COL5A3: variants seen among roughly 807,000 people sequenced by gnomAD.
COL5A3 encodes collagen type V alpha 3 chain, also known as collagen alpha-3(V) chain.
Under a neutral mutation model 250.0 loss-of-function variants are expected in COL5A3, and 172 were observed. The observed-to-expected ratio is 0.69, with a 90% CI of 0.61 to 0.78. The LOEUF (loss-of-function observed/expected upper bound fraction) is 0.78. Ranked by LOEUF, COL5A3 falls within the 30% of genes least tolerant of loss-of-function variation. COL5A3 has a pLI of 0.00. For synonymous variants in COL5A3, 937 were observed against 900.4 expected (o/e 1.04, Z -0.73); for missense variants, 2,340 against 2,334.4 (o/e 1.00, Z -0.05).
chr19:9,993,347 C>G, intron 19 of COL5A3, 33 bp downstream of exon 19: 1 of 1,612,030 alleles, frequency 6.2e-7, no homozygotes, highest in Non-Finnish European at 8.5e-7. Context: ...AACTTACTTT[C>G]CAAACCAGGC....
intron 27 of COL5A3, among the ~76,000 whole-genome samples, chr19:9,988,857 A>AAGAGAG (rs1191337723): frequency 7.3e-6 from 1 of 136,980 alleles, no homozygotes; most frequent in Non-Finnish European, 1.6e-5. Flanking sequence ...AAAAAAAAAA[A>AAGAGAG]AGAAAGTAAA....
At position 9,968,381 on chromosome 19, in the gene COL5A3, T is replaced by C; in HGVS notation, c.4314+4A>G. 1 of 1,577,940 alleles carries C rather than the reference T, an allele frequency of 6.3e-7. No individual in the cohort carries two copies. Among genetic ancestry groups the C allele is most frequent in the Non-Finnish European group, 8.6e-7 (1 of 1,157,504 alleles). ...ATTCTTCCCGCTCAGGTCAGGACACTCACAGGGTCTCCCTTGGGACCAGGG... is the reference window on the plus strand; with the variant it reads ...ATTCTTCCCGCTCAGGTCAGGACACCCACAGGGTCTCCCTTGGGACCAGGG... On this transcript the variant is annotated splice_donor_region_variant and intron_variant, in intron 59 of 66. Coordinates refer to ENST00000264828, the MANE Select transcript of COL5A3 (RefSeq NM_015719.4). The surrounding 1 kb of genome is among the most constrained non-coding windows in gnomAD (Gnocchi z 4.1).
intron 8 of COL5A3, among the ~76,000 whole-genome samples, chr19:10,000,019 A>C (rs1236007119): frequency 6.6e-6 from 1 of 151,824 alleles, no homozygotes; most frequent in Non-Finnish European, 1.5e-5. Flanking sequence ...CAACCTACCA[A>C]ATTGCTGAGA....
chr19:9,978,769 T>TCCA (rs1201250846), intron 40 of COL5A3, 122 bp downstream of exon 40: 5 of 924,722 alleles, frequency 5.4e-6, no homozygotes, highest in Non-Finnish European at 7.7e-6. Flanking sequence ...CCCAGTTCCC[T>TCCA]CCACCATTTT....
Position 9,978,919 on chromosome 19 carries a change from G to C in COL5A3, c.2936C>G (p.Pro979Arg), listed in dbSNP as rs2086964877. 3.3e-6 allele frequency: 5 copies of C among 1,500,570 alleles called. No individual in the cohort carries two copies. The highest frequency in any genetic ancestry group is 4.4e-6 in the Non-Finnish European group (5 of 1,126,848). 93.0% of individuals were successfully genotyped at this position (1,500,570 alleles called of 1,614,324 possible). A position where few individuals can be genotyped will look rare whatever the true frequency, so the allele number is the denominator to read the frequency against. ...KEGPAGLRGF[P>R]GPKGGPGDPG... is the part of the protein sequence containing the mutation. ...GTCCCCAGGGCCCCCTTTGGGGCCG[G>C]GAAAGCCCCTGAGTCCAGCTGGCCC... is the stretch of plus-strand genomic sequence containing the variant. The change falls in exon 40 of 67, where the codon CCC becomes CGC. Residue 979 changes from proline to arginine, a missense_variant. This residue lies in a region of COL5A3 where 1,179 missense variants were observed against 1,162.6 expected (regional missense o/e 1.01). Coordinates refer to ENST00000264828, the MANE Select transcript of COL5A3 (RefSeq NM_015719.4).
At chr19:10,007,521 G>T (rs1008988501) in intron 1 of COL5A3, among the ~76,000 whole-genome samples, 1 of 152,214 alleles carries the variant, frequency 6.6e-6, no homozygotes, top group African/African-American at 2.4e-5. Context: ...GGGCAGGGGC[G>T]GGTGGGGGCT....
chr19:10,004,042 A>T lies in COL5A3; in HGVS notation c.698T>A (p.Val233Glu). Residue 233 changes from valine (V) to glutamate (E), a missense_variant and splice_region_variant, in exon 5 of 67, where the codon GTG (valine) becomes GAG (glutamate). Val to Glu is a moderately radical substitution (Grantham distance 121). Coordinates refer to ENST00000264828, the MANE Select transcript of COL5A3 (RefSeq NM_015719.4). ...GGAGTCATGGAGTCCCTCACTCACCACTGTGGCTGCCGGTGCCAGGTTGTC... is the reference window on the plus strand; with the variant it reads ...GGAGTCATGGAGTCCCTCACTCACCTCTGTGGCTGCCGGTGCCAGGTTGTC... ...DCDNLAPAAT[V>E]APQGEPETPR... The T allele has an allele frequency of 2.5e-6, 4 of 1,611,924 alleles. No individual in the cohort carries two copies. Among genetic ancestry groups the T allele is most frequent in the Non-Finnish European group, 3.4e-6 (4 of 1,178,050 alleles).
intron 7 of COL5A3, 30 bp from the exon 8 acceptor site, chr19:10,001,700 C>T: frequency 6.2e-7 from 1 of 1,613,158 alleles, no homozygotes; most frequent in Non-Finnish European, 8.5e-7. Context: ...CCAAAGTTTT[C>T]CCTGACCTCC....
chr19:9,966,622 T>C lies in COL5A3; in HGVS notation c.4583A>G (p.Glu1528Gly). The change falls in exon 63 of 67, where the codon GAG (glutamate) becomes GGG (glycine). Residue 1528 changes from glutamate to glycine, a missense_variant. Coordinates refer to ENST00000264828, the MANE Select transcript of COL5A3 (RefSeq NM_015719.4). ...AGTGCCGGGAGGACGCCGCAGCTGC[T>C]CCAGCTCCAAGCTCAGCGATGTGAG... is the stretch of plus-strand genomic sequence containing the variant. ...ASLTSLSLELEQLRRPPGTAE... is the reference protein window; with the variant it reads ...ASLTSLSLELGQLRRPPGTAE... 1 of 1,538,950 alleles carries C rather than the reference T, an allele frequency of 6.5e-7. No individual in the cohort carries two copies. The highest frequency in any genetic ancestry group is 2.0e-5 in the Admixed American group (1 of 51,004).
intron 42 of COL5A3, 58 bp downstream of exon 42, chr19:9,977,536 G>A: frequency 6.6e-7 from 1 of 1,514,002 alleles, no homozygotes; most frequent in South Asian, 1.3e-5. Flanking sequence ...CATGTCCTGG[G>A]ATGTGGCAGG....
chr19:9,961,974 T>A (rs1000958173), intron 65 of COL5A3, among the ~76,000 whole-genome samples: 1 of 152,228 alleles, frequency 6.6e-6, no homozygotes, highest in African/African-American at 2.4e-5. Flanking sequence ...TGTTGTTCAA[T>A]GGTTTTATGA....
chr19:9,982,780 C>T (rs140691094), intron 31 of COL5A3, among the ~76,000 whole-genome samples: 8 of 152,248 alleles, frequency 5.3e-5, no homozygotes, highest in Middle Eastern at 3.4e-3. Flanking sequence ...GGTGGCATCC[C>T]GCCTCAAAGC....
At chr19:9,988,855 A>AAAAAGAGAGAGAAAG (rs1269531312) in intron 27 of COL5A3, among the ~76,000 whole-genome samples, 8 of 104,708 alleles carry the variant, frequency 7.6e-5, no homozygotes, top group African/African-American at 1.3e-4. Flanking sequence ...AAAAAAAAAA[A>AAAAAGAGAGAGAAAG]AAAGAAAGTA....
chr19:9,977,446 A>G lies in COL5A3; in HGVS notation c.3153T>C (p.Thr1051=). 3 of 1,521,504 alleles carry G rather than the reference A, an allele frequency of 2.0e-6. No homozygotes were observed. In the South Asian group the frequency reaches 4.0e-5, roughly 20 times the overall value. The allele number at this position is 1,521,504 out of a possible 1,614,324, so 94.3% of individuals were successfully genotyped here. ...SRGERGPPGP[T]GKDGIPGPLG... ...GGGGCCCTGGGATCCCATCTTTGCC[A>G]GTGGGGCCAGGGGGGCCACGTTCTC... is the stretch of plus-strand genomic sequence containing the variant. Residue 1051 remains threonine, a synonymous_variant, in exon 43 of 67, where the codon ACT becomes ACC. Transcript: ENST00000264828.
In COL5A3 at chr19:9,966,397, A is replaced by T. The variant is rs1217869758; in HGVS notation, c.4699T>A (p.Cys1567Ser). The T allele has an allele frequency of 6.2e-7, 1 of 1,608,594 alleles. No individual in the cohort carries two copies. The highest frequency in any genetic ancestry group is 8.5e-7 in the Non-Finnish European group (1 of 1,176,600). Reference sequence around the variant, plus strand: ...AAAACCCTGAACGAGTCCCGCGCGCAGCCCTGGTTGGGGTCAATCCAGTAT... The same window carrying T: ...AAAACCCTGAACGAGTCCCGCGCGCTGCCCTGGTTGGGGTCAATCCAGTAT... ...GEYWIDPNQG[C>S]ARDSFRVFCN... Residue 1567 changes from cysteine to serine, a missense_variant, in exon 64 of 67, where the codon TGC becomes AGC. Coordinates refer to ENST00000264828, the MANE Select transcript of COL5A3 (RefSeq NM_015719.4).
At position 9,966,702 on chromosome 19, in the gene COL5A3, G is replaced by C; in HGVS notation, c.4503C>G (p.Phe1501Leu). 6 of 1,538,022 alleles carry C rather than the reference G, an allele frequency of 3.9e-6. No individual in the cohort carries two copies. The highest frequency in any genetic ancestry group is 5.2e-6 in the Non-Finnish European group (6 of 1,147,524). The change falls in exon 63 of 67, where the codon TTC becomes TTG. Residue 1501 changes from phenylalanine (F) to leucine (L), a missense_variant. By Grantham distance (22) the Phe-to-Leu change is conservative (BLOSUM62 0). Coordinates refer to ENST00000264828, the MANE Select transcript of COL5A3 (RefSeq NM_015719.4). ...ELHGLRRRRR[F>L]VPVPLPVVEG... ...CCACGACTGGAAGCGGGACTGGGAC[G>C]AAGCGCCGGCGCCTGCGCAGCCCAT...
chr19:9,981,273 A>G lies in COL5A3; in HGVS notation c.2461-141T>C, dbSNP rs1370827382. On this transcript the variant is annotated intron_variant, in intron 32 of 66. Transcript: ENST00000264828. ...ACAAGCTTTTCAGTCATACACATAC[A>G]CACAAATACAACTTATACTCAAAAC... 10 of 710,182 alleles carry G rather than the reference A, an allele frequency of 1.4e-5. No individual in the cohort carries two copies. The African/African-American group carries it at 1.7e-4, about 12-fold the overall frequency. 44.0% of individuals were successfully genotyped at this position (710,182 alleles called of 1,614,324 possible). A position where few individuals can be genotyped will look rare whatever the true frequency, so the allele number is the denominator to read the frequency against.
Position 9,985,844 on chromosome 19 carries a change from T to G in COL5A3, c.2404A>C (p.Lys802Gln), listed in dbSNP as rs1443280476. 1 of 1,613,184 alleles carries G rather than the reference T, an allele frequency of 6.2e-7. No homozygotes were observed. Among genetic ancestry groups the G allele is most frequent in the Non-Finnish European group, 8.5e-7 (1 of 1,179,316 alleles). Residue 802 changes from lysine (K) to glutamine (Q), a missense_variant and splice_region_variant, in exon 31 of 67, where the codon AAG becomes CAG. Around this residue, in one of 3 missense-constraint regions of COL5A3, gnomAD observed 1,152 missense variants for 1,146.3 expected, o/e 1.00. Transcript: ENST00000264828. ...ACCCCCCACCCCCAGCTTCCTACCT[T>G]AGGTCCAGGGCGTCCTGGATAACCT... The part of the protein sequence containing the change: ...LPGYPGRPGP[K>Q]GSIGFPGPLG...
intron 43 of COL5A3, 38 bp downstream of exon 43, chr19:9,977,327 A>G: frequency 1.9e-6 from 3 of 1,612,160 alleles, no homozygotes; most frequent in Non-Finnish European, 1.7e-6. Flanking sequence ...ATTCACCCCC[A>G]TCCTCCCCTG....
Sources: gnomAD v4.1 joint callset for allele counts (sites outside exome capture counted in the v4.1 genomes callset) on GRCh38, gnomAD v4.1.1 for gene constraint, gnomAD v4.1.1 regional missense constraint, Gnocchi (gnomAD v3.1) non-coding constraint, MANE v1.5 for transcripts, NCBI Gene and HGNC (gene_info 2026-07-23, HGNC 2026-07-21) for gene names.